The following IGSF9B variants were observed in gnomAD, a reference collection of about 807,000 sequenced individuals.
IGSF9B encodes protein turtle homolog B.
IGSF9B carries 48 observed loss-of-function variants against 143.7 expected under a neutral mutation model. The observed-to-expected ratio is 0.33, with a 90% CI of 0.26 to 0.42. The LOEUF is 0.42. IGSF9B is among the 20% of genes least tolerant of loss of function. IGSF9B has a pLI of 1.00. For missense variants in IGSF9B, 1,706 were observed against 1,980.0 expected, an observed-to-expected ratio of 0.86 and a Z score of 2.63; for synonymous variants, 903 against 833.1, an observed-to-expected ratio of 1.08 and a Z score of -1.44.
rs1247966576 is a variant in IGSF9B at position 133,904,614 on chromosome 11, T to C, written c.*4455A>G. On this transcript the variant is annotated 3_prime_UTR_variant, in exon 20 of 20. Coordinates refer to ENST00000533871, the MANE Select transcript of IGSF9B (RefSeq NM_001277285.4). ...CCAGATGCCCACCAGGCAATCATTC[T>C]TCGTCATCTTGGGATGATCCCCCAG... 6.6e-6 allele frequency among the ~76,000 whole-genome samples: 1 copy of C among 151,982 alleles called. No homozygotes were observed.
Position 133,903,099 on chromosome 11 carries a change from G to C in IGSF9B, c.*5970C>G, listed in dbSNP as rs546301404. Among the ~76,000 whole-genome samples, 1 of 151,656 alleles carries C rather than the reference G, an allele frequency of 6.6e-6. No individual in the cohort carries two copies. The highest frequency in any genetic ancestry group is 1.5e-5 in the Non-Finnish European group (1 of 67,986). The stretch of plus-strand genomic sequence containing the variant: ...TGTTCACGATCCCTGGAGCCATACA[G>C]AAGTGGGGAAAGGAAAAGGGAAGGG... On this transcript the variant is annotated 3_prime_UTR_variant, in exon 20 of 20. Coordinates refer to ENST00000533871, the MANE Select transcript of IGSF9B (RefSeq NM_001277285.4).
intron 18 of IGSF9B, among the ~76,000 whole-genome samples, chr11:133,918,516 ACCTCCGCGCACAGGCGGCGGCTGCGGCT>A (rs985750349): frequency 3.3e-5 from 5 of 152,048 alleles, no homozygotes; most frequent in African/African-American, 7.2e-5. Context: ...CGGCCGCGGC[ACCTCCGCGCACAGGCGGCGGCTGCGGCT>A]CCTCCACCTC....
chr11:133,925,902 T>C lies in IGSF9B; in HGVS notation c.1871A>G (p.Asn624Ser), dbSNP rs1304952286. 2 of 1,612,378 alleles carry C rather than the reference T, an allele frequency of 1.2e-6. No individual in the cohort carries two copies. Among genetic ancestry groups the C allele is most frequent in the Admixed American group, 1.7e-5 (1 of 59,838 alleles). ...CAGGAGCACACCCTGCTGAGTCCGA[T>C]TGGCTATGAGGCACCTCGGTGGGGT... ...LVTPPRCLIA[N>S]RTQQGVLLSW... Residue 624 changes from asparagine to serine, a missense_variant, in exon 14 of 20, where the codon AAT becomes AGT. Physicochemically the swap from Asn to Ser is conservative, Grantham distance 46. Coordinates refer to ENST00000533871, the MANE Select transcript of IGSF9B (RefSeq NM_001277285.4).
Position 133,932,120 on chromosome 11 carries a change from G to C in IGSF9B, c.1061C>G (p.Ala354Gly). The C allele has an allele frequency of 6.2e-7, 1 of 1,613,742 alleles. No individual in the cohort carries two copies. Among genetic ancestry groups the C allele is most frequent in the Non-Finnish European group, 8.5e-7 (1 of 1,179,798 alleles). ...GTCCTTGTTCCACTTGACCACGGTG[G>C]CCGGTGGTTCTGCGTCCACAGGGCA... ...IRCPVDAEPP[A>G]TVVKWNKDGR... is the part of the protein sequence containing the mutation. Residue 354 changes from alanine (A) to glycine (G), a missense_variant, in exon 8 of 20, where the codon GCC becomes GGC. Transcript: ENST00000533871.
chr11:133,926,224 A>G (rs1167357990), intron 13 of IGSF9B, among the ~76,000 whole-genome samples: 2 of 152,216 alleles, frequency 1.3e-5, no homozygotes, highest in Non-Finnish European at 2.9e-5. Context: ...GTGCTCTTCC[A>G]GGGAGCTAGG....
Position 133,946,005 on chromosome 11 carries a change from C to A in IGSF9B, c.262+56G>T, listed in dbSNP as rs954468042. ...CAAGGCAGGGGCCAGAGGGGAACCA[C>A]CGAGGAGCTGACTCCAGCTGGGGAA... On this transcript the variant is annotated intron_variant, in intron 2 of 19. Transcript: ENST00000533871. 6 of 1,271,928 alleles carry A rather than the reference C, an allele frequency of 4.7e-6. No homozygotes were observed. In the African/African-American group the frequency reaches 5.9e-5, roughly 13 times the overall value. 78.8% of individuals were successfully genotyped at this position (1,271,928 alleles called of 1,614,324 possible). A position where few individuals can be genotyped will look rare whatever the true frequency, so the allele number is the denominator to read the frequency against.
Position 133,912,026 on chromosome 11 carries a change from G to A in IGSF9B, c.3984-19C>T. 5 of 1,507,858 alleles carry A rather than the reference G, an allele frequency of 3.3e-6. 1 individual carries two copies. In the South Asian group the frequency reaches 6.4e-5, roughly 19 times the overall value. 93.4% of individuals were successfully genotyped at this position (1,507,858 alleles called of 1,614,324 possible). A position where few individuals can be genotyped will look rare whatever the true frequency, so the allele number is the denominator to read the frequency against. On this transcript the variant is annotated intron_variant, in intron 18 of 19. Transcript: ENST00000533871. The stretch of plus-strand genomic sequence containing the variant: ...AAGTGTTCTGGAAAGGACAACCAGA[G>A]AGCCACAATTCAGCTCCCGGATGTG...
In IGSF9B at chr11:133,938,061, C is replaced by A. The variant is rs377715460; in HGVS notation, c.410-100G>T. Reference sequence around the variant, plus strand: ...ACACATCACCCTCGCTGCGGCTCTGCGGAATGCAAGGACAAAGGAAGGAAG... The same window carrying A: ...ACACATCACCCTCGCTGCGGCTCTGAGGAATGCAAGGACAAAGGAAGGAAG... On this transcript the variant is annotated intron_variant, in intron 3 of 19. Transcript: ENST00000533871. The A allele has an allele frequency of 4.1e-5, 54 of 1,318,942 alleles. No individual in the cohort carries two copies. The Admixed American group carries it at 7.4e-4, about 18-fold the overall frequency. 81.7% of individuals were successfully genotyped at this position (1,318,942 alleles called of 1,614,324 possible). A position where few individuals can be genotyped will look rare whatever the true frequency, so the allele number is the denominator to read the frequency against.
At position 133,945,580 on chromosome 11, in the gene IGSF9B, G is replaced by T. The variant is rs1213195110; in HGVS notation, c.262+481C>A. Reference sequence around the variant, plus strand: ...TAACTGCCAAACAGGACACAGACGGGGCCAGGAGAAGGAGAGGACAGCATG... The same window carrying T: ...TAACTGCCAAACAGGACACAGACGGTGCCAGGAGAAGGAGAGGACAGCATG... On this transcript the variant is annotated intron_variant, in intron 2 of 19. Transcript: ENST00000533871. This position sits in a 1 kb window ranked among gnomAD's most constrained non-coding sequence, Gnocchi z 4.6. Among the ~76,000 whole-genome samples, 1 of 152,180 alleles carries T rather than the reference G, an allele frequency of 6.6e-6. No homozygotes were observed. Among genetic ancestry groups the T allele is most frequent in the Non-Finnish European group, 1.5e-5 (1 of 68,034 alleles).
chr11:133,910,128 G>A (rs1939277588), intron 19 of IGSF9B, among the ~76,000 whole-genome samples: 1 of 152,176 alleles, frequency 6.6e-6, no homozygotes, highest in Admixed American at 6.5e-5. Flanking sequence ...CTAGGAGCTT[G>A]AAATCTGTTC....
chr11:133,898,053 C>A lies in IGSF9B; in HGVS notation c.*11016G>T, dbSNP rs1415150459. 1 of 152,266 alleles carries A rather than the reference C, an allele frequency of 6.6e-6. No individual in the cohort carries two copies. Among genetic ancestry groups the A allele is most frequent in the Non-Finnish European group, 1.5e-5 (1 of 68,056 alleles). The allele number at this position is 152,266 out of a possible 1,614,324, so 9.4% of individuals were successfully genotyped here. On this transcript the variant is annotated 3_prime_UTR_variant, in exon 20 of 20. Coordinates refer to ENST00000533871, the MANE Select transcript of IGSF9B (RefSeq NM_001277285.4). ...AGGAGCCAGTGGGAGGAAGGAGATT[C>A]AGCCCAACTGGCCTCTTCGAGAACA...
At chr11:133,938,799 AG>A (rs1380008569) in intron 3 of IGSF9B, among the ~76,000 whole-genome samples, 1 of 152,218 alleles carries the variant, frequency 6.6e-6, no homozygotes, top group African/African-American at 2.4e-5. Context: ...CCTGAAGCTC[AG>A]AACCCAAGTT....
intron 12 of IGSF9B, 138 bp from the exon 13 acceptor site, chr11:133,927,229 A>T (rs1261160822): frequency 1.4e-6 from 1 of 711,138 alleles, no homozygotes; most frequent in African/African-American, 1.8e-5. Flanking sequence ...AGAAGAGGGC[A>T]TGGCCCAGAG....
At chr11:133,954,137 C>A (rs544849402) in intron 1 of IGSF9B, among the ~76,000 whole-genome samples, 1 of 152,310 alleles carries the variant, frequency 6.6e-6, no homozygotes, top group East Asian at 1.9e-4. Flanking sequence ...TGAGCTCTCA[C>A]AGGGAGACTC....
Position 133,920,310 on chromosome 11 carries a change from T to A in IGSF9B, c.3415A>T (p.Ser1139Cys), listed in dbSNP as rs765242476. 1.9e-6 allele frequency: 3 copies of A among 1,570,132 alleles called. No homozygotes were observed. The African/African-American group carries it at 4.1e-5, about 21-fold the overall frequency. The change falls in exon 18 of 20, where the codon AGC becomes TGC. Residue 1139 changes from serine (S) to cysteine (C), a missense_variant. Coordinates refer to ENST00000533871, the MANE Select transcript of IGSF9B (RefSeq NM_001277285.4). ...LVSQGQLRHT[S>C]QGMGIPVLPY... The stretch of plus-strand genomic sequence containing the variant: ...AGCACAGGTATGCCCATGCCTTGGC[T>A]TGTATGTCGCAGCTGCCCTTGGCTT...
intron 1 of IGSF9B, 41 bp downstream of exon 1, chr11:133,956,650 C>A (rs1201394292): frequency 1.4e-6 from 2 of 1,411,498 alleles, no homozygotes; most frequent in Non-Finnish European, 1.9e-6. Context: ...GGGCCGAGGG[C>A]GCCGGGAGGG....
chr11:133,923,965 CT>C (rs1301080945), intron 15 of IGSF9B, among the ~76,000 whole-genome samples: 11 of 149,960 alleles, frequency 7.3e-5, no homozygotes, highest in East Asian at 1.9e-4. Flanking sequence ...AGGACACAAC[CT>C]TTTTTTTTTA....
chr11:133,911,860 G>T (rs1001523792), intron 19 of IGSF9B, 26 bp downstream of exon 19: 2 of 1,491,960 alleles, frequency 1.3e-6, no homozygotes, highest in Non-Finnish European at 1.8e-6. Context: ...TGGGAGGAGC[G>T]GGGCGGGCCA....
chr11:133,935,973 C>T, intron 6 of IGSF9B, 80 bp downstream of exon 6: 8 of 1,531,340 alleles, frequency 5.2e-6, no homozygotes, highest in Non-Finnish European at 7.1e-6. Context: ...GGCAGCCTGC[C>T]CGTGCAATTT....
Sources: allele counts gnomAD v4.1 joint callset (sites outside exome capture counted in the v4.1 genomes callset), GRCh38; gene constraint gnomAD v4.1.1; non-coding constraint Gnocchi (gnomAD v3.1); transcripts MANE v1.5; gene names NCBI Gene and HGNC (gene_info 2026-07-23, HGNC 2026-07-21).